LNPEP: variants seen among roughly 807,000 people sequenced by gnomAD.
The protein encoded by LNPEP is leucyl-cystinyl aminopeptidase.
Under a neutral mutation model 120.6 loss-of-function variants are expected in LNPEP, and 64 were observed. That is an observed-to-expected ratio of 0.53 (90% CI 0.43 to 0.65). The LOEUF is 0.65. LNPEP is among the 30% of genes least tolerant of loss of function. LNPEP has a pLI of 0.00. For synonymous variants in LNPEP, 435 were observed against 425.4 expected, an observed-to-expected ratio of 1.02 and a Z score of -0.28; for missense variants, 1,057 against 1,200.0, an observed-to-expected ratio of 0.88 and a Z score of 1.76.
intron 16 of LNPEP, among the ~76,000 whole-genome samples, chr5:97,027,164 T>G (rs1582038508): frequency 6.6e-6 from 1 of 152,088 alleles, no homozygotes; most frequent in East Asian, 1.9e-4. Context: ...CCATCCTGGC[T>G]AACACGGTGA....
chr5:96,955,616 C>A (rs1216511832), intron 1 of LNPEP, among the ~76,000 whole-genome samples: 1 of 152,068 alleles, frequency 6.6e-6, no homozygotes, highest in Non-Finnish European at 1.5e-5. Flanking sequence ...GAGACTCCAT[C>A]TCAAAAAAGA....
intron 1 of LNPEP, among the ~76,000 whole-genome samples, chr5:96,961,983 AC>A (rs1189235349): frequency 6.6e-6 from 1 of 152,132 alleles, no homozygotes; most frequent in Non-Finnish European, 1.5e-5. Flanking sequence ...ACATCAGCCA[AC>A]CTTTTTTGAA....
chr5:96,963,158 T>C (rs1444776312), intron 1 of LNPEP, among the ~76,000 whole-genome samples: 1 of 152,214 alleles, frequency 6.6e-6, no homozygotes, highest in African/African-American at 2.4e-5. Flanking sequence ...AACTAGTATG[T>C]AGCATATAAT....
intron 6 of LNPEP, among the ~76,000 whole-genome samples, chr5:96,994,963 C>T (rs1258143159): frequency 6.6e-6 from 1 of 152,148 alleles, no homozygotes; most frequent in African/African-American, 2.4e-5. Context: ...CAAAAATTAG[C>T]TGGGCGTGGT....
At chr5:96,984,748 T>TTGGA (rs1790202559) in intron 2 of LNPEP, among the ~76,000 whole-genome samples, 1 of 152,230 alleles carries the variant, frequency 6.6e-6, no homozygotes. Context: ...TACCCACTCT[T>TTGGA]TCCAGAGTAT....
intron 11 of LNPEP, chr5:97,010,801 G>A (rs1369846492): frequency 4.1e-6 from 4 of 985,242 alleles, no homozygotes; most frequent in East Asian, 1.1e-4. Flanking sequence ...CTTCATCCAC[G>A]TTTGAGCTGT....
intron 1 of LNPEP, among the ~76,000 whole-genome samples, chr5:96,954,767 TATA>T (rs1561430244): frequency 0.017 from 808 of 48,142 alleles, 238 homozygotes; most frequent in Non-Finnish European, 0.027. Flanking sequence ...TATATATATA[TATA>T]TATTTTTTTT....
At chr5:96,999,984 T>C (rs1256935455) in intron 8 of LNPEP, among the ~76,000 whole-genome samples, 1 of 152,154 alleles carries the variant, frequency 6.6e-6, no homozygotes, top group African/African-American at 2.4e-5. Context: ...TTAGCAAATC[T>C]TACAAATACT....
chr5:96,993,889 C>T lies in LNPEP; in HGVS notation c.1325C>T (p.Thr442Ile), dbSNP rs1393499425. ...NWGLLTFREETLLYDSNTSSM... is the reference protein window; with the variant it reads ...NWGLLTFREEILLYDSNTSSM... ...GGTTTGCTCACCTTCCGAGAGGAGA[C>T]ACTTCTGTATGACAGTAACACTTCT... is the stretch of plus-strand genomic sequence containing the variant. Residue 442 changes from threonine (T) to isoleucine (I), a missense_variant, in exon 6 of 18, where the codon ACA becomes ATA. Physicochemically the swap from Thr to Ile is moderately conservative, Grantham distance 89 (BLOSUM62 -1). Transcript: ENST00000231368. 6.2e-7 allele frequency: 1 copy of T among 1,613,794 alleles called. No individual in the cohort carries two copies. The highest frequency in any genetic ancestry group is 1.1e-5 in the South Asian group (1 of 91,074).
chr5:96,960,351 C>T (rs917546300), intron 1 of LNPEP, among the ~76,000 whole-genome samples: 5 of 152,154 alleles, frequency 3.3e-5, no homozygotes, highest in African/African-American at 4.8e-5. Flanking sequence ...ACTTCAGTTA[C>T]GCTAACAAGT....
At chr5:97,015,769 C>G (rs3822679) in intron 13 of LNPEP, among the ~76,000 whole-genome samples, 2,178 of 152,116 alleles carry the variant, frequency 0.014, 53 homozygotes, top group South Asian at 0.088. Flanking sequence ...TGAGATTTCC[C>G]AGGGACCCAG....
Position 97,019,164 on chromosome 5 carries a change from T to C in LNPEP, c.2377-3136T>C, listed in dbSNP as rs372984354. On this transcript the variant is annotated intron_variant, in intron 13 of 17. Coordinates refer to ENST00000231368, the MANE Select transcript of LNPEP (RefSeq NM_005575.3). ...TTTTAAAATAATTTTATATTGTTGT[T>C]ATTGCATTTTATTACAAATCCAGTG... 6.2e-4 allele frequency among the ~76,000 whole-genome samples: 94 copies of C among 152,328 alleles called. 2 individuals carry two copies. The South Asian group carries it at 0.014, about 23-fold the overall frequency.
rs374078966 is a variant in LNPEP, at chr5:96,979,561, T to C, written c.443T>C (p.Ile148Thr). The change falls in exon 2 of 18, where the codon ATT (isoleucine) becomes ACT (threonine). Residue 148 changes from isoleucine to threonine, a missense_variant. By Grantham distance (89) the Ile-to-Thr change is moderately conservative (BLOSUM62 -1). Coordinates refer to ENST00000231368, the MANE Select transcript of LNPEP (RefSeq NM_005575.3). Reference sequence around the variant, plus strand: ...GGCTGCCATAAAAAAAACCAGTCAATTGGACTAATTCAGCCATTTGCAACA... The same window carrying C: ...GGCTGCCATAAAAAAAACCAGTCAACTGGACTAATTCAGCCATTTGCAACA... Reference protein sequence around the residue: ...KEGCHKKNQSIGLIQPFATNG... With the variant: ...KEGCHKKNQSTGLIQPFATNG... 184 of 1,614,052 alleles carry C rather than the reference T, an allele frequency of 1.1e-4. 1 individual carries two copies. The South Asian group carries it at 1.3e-3, about 11-fold the overall frequency.
Position 97,015,093 on chromosome 5 carries a change from G to A in LNPEP, c.2374G>A (p.Val792Met), listed in dbSNP as rs149835144. ...ATACATGGATCTGGCCTCAAGACTG[G>A]TGGTAAGTCTGCCTTTTTGCCAGCT... ...LGYMDLASRL[V>M]TRVFKLLQNQ... is the part of the protein sequence containing the mutation. Residue 792 changes from valine to methionine, a missense_variant and splice_region_variant, in exon 13 of 18, where the codon GTG (valine) becomes ATG (methionine). Transcript: ENST00000231368. 9.8e-6 allele frequency: 15 copies of A among 1,536,642 alleles called. No homozygotes were observed. In the East Asian group the frequency reaches 2.9e-4, roughly 30 times the overall value.
intron 13 of LNPEP, 45 bp downstream of exon 13, chr5:97,015,140 T>G: frequency 4.3e-6 from 6 of 1,388,408 alleles, no homozygotes; most frequent in Non-Finnish European, 5.8e-6. Flanking sequence ...ATCTTTAATA[T>G]TGTTATTCAT....
rs530613060 is a variant in LNPEP at position 96,946,006 on chromosome 5, A to T, written c.19+9832A>T. 2.0e-5 allele frequency among the ~76,000 whole-genome samples: 3 copies of T among 152,334 alleles called. No homozygotes were observed. The South Asian group carries it at 6.2e-4, about 32-fold the overall frequency. ...TACATGTCTGGTGTCTGCTTGTCCT[A>T]TAATTGTCGGAAGGGCCTCAATGAT... On this transcript the variant is annotated intron_variant, in intron 1 of 17. Coordinates refer to ENST00000231368, the MANE Select transcript of LNPEP (RefSeq NM_005575.3).
chr5:96,999,546 C>T (rs1441637706), intron 8 of LNPEP, among the ~76,000 whole-genome samples: 1 of 151,986 alleles, frequency 6.6e-6, no homozygotes, highest in Non-Finnish European at 1.5e-5. Context: ...CCATAGTGGA[C>T]CTGTCAATAA....
chr5:97,009,849 AAAAG>A (rs1790882815), intron 11 of LNPEP, among the ~76,000 whole-genome samples: 1 of 152,182 alleles, frequency 6.6e-6, no homozygotes, highest in Non-Finnish European at 1.5e-5. Flanking sequence ...TTCTATTCTC[AAAAG>A]AAAGGTAGCA....
chr5:97,032,711 T>G lies in LNPEP; in HGVS notation c.*4178T>G, dbSNP rs553943404. The G allele has an allele frequency of 3.3e-5, 5 of 152,340 alleles. No individual in the cohort carries two copies. The highest frequency in any genetic ancestry group is 7.3e-5 in the Non-Finnish European group (5 of 68,038). The allele number at this position is 152,340 out of a possible 1,614,324, so 9.4% of individuals were successfully genotyped here. A position where few individuals can be genotyped will look rare whatever the true frequency, so the allele number is the denominator to read the frequency against. Reference sequence around the variant, plus strand: ...AGTGTGTACAGATGTTTTTGCTATTTTGTGTTATTTCATTTTGTATTTCAT... The same window carrying G: ...AGTGTGTACAGATGTTTTTGCTATTGTGTGTTATTTCATTTTGTATTTCAT... On this transcript the variant is annotated 3_prime_UTR_variant, in exon 18 of 18. Transcript: ENST00000231368.
Sources: gnomAD v4.1 joint callset for allele counts (sites outside exome capture counted in the v4.1 genomes callset) on GRCh38, gnomAD v4.1.1 for gene constraint, MANE v1.5 for transcripts, NCBI Gene and HGNC (gene_info 2026-07-23, HGNC 2026-07-21) for gene names.